CDON: variants seen among roughly 807,000 people sequenced by gnomAD.
CDON encodes the protein cell adhesion associated, oncogene regulated.
Under a neutral mutation model 120.9 loss-of-function variants are expected in CDON, and 73 were observed. That is an observed-to-expected ratio of 0.60 (90% CI 0.50 to 0.73). The LOEUF (loss-of-function observed/expected upper bound fraction) is 0.73, where lower values mean the gene tolerates loss of function less well. CDON is among the 30% of genes least tolerant of loss of function. The pLI, the probability that CDON is intolerant of heterozygous loss-of-function variation, is 0.00. For synonymous variants in CDON, 566 were observed against 573.5 expected, an observed-to-expected ratio of 0.99 and a Z score of 0.19; for missense variants, 1,470 against 1,587.3, an observed-to-expected ratio of 0.93 and a Z score of 1.26.
At chr11:125,994,527 C>T in intron 13 of CDON, 138 bp from the exon 14 acceptor site, 1 of 671,972 alleles carries the variant, frequency 1.5e-6, no homozygotes, top group South Asian at 1.7e-5. Context: ...TTTTAATTTA[C>T]TTCAAAGGTA....
Position 125,981,224 on chromosome 11 carries a change from C to G in CDON, c.3101G>C (p.Gly1034Ala), listed in dbSNP as rs772246581. 6.2e-7 allele frequency: 1 copy of G among 1,614,182 alleles called. No individual in the cohort carries two copies. The highest frequency in any genetic ancestry group is 8.5e-7 in the Non-Finnish European group (1 of 1,180,030). ...GAGACCGCCATTGGTTAGGAAGCCT[C>G]CGTGAACATTTCCATTTATCTGACT... ...GASQINGNVH[G>A]GFLTNGGLSS... The change falls in exon 17 of 20, where the codon GGA becomes GCA. Residue 1034 changes from glycine to alanine, a missense_variant. Physicochemically the swap from Gly to Ala is moderately conservative, Grantham distance 60. Transcript: ENST00000531738.
At chr11:126,062,978 GA>G (rs897404792), upstream of CDON, among the ~76,000 whole-genome samples, 13 of 151,790 alleles carry the variant, frequency 8.6e-5, no homozygotes, top group Non-Finnish European at 1.9e-4. Context: ...AGGGACCGGG[GA>G]ATGACTGACG....
intron 15 of CDON, among the ~76,000 whole-genome samples, chr11:125,987,870 G>A (rs1344145413): frequency 6.6e-6 from 1 of 152,148 alleles, no homozygotes; most frequent in Non-Finnish European, 1.5e-5. Context: ...GTTTAAATAT[G>A]GGCTTAAGAT....
At chr11:125,971,143 G>T (rs1052039229) in intron 18 of CDON, among the ~76,000 whole-genome samples, 1 of 152,028 alleles carries the variant, frequency 6.6e-6, no homozygotes, top group Non-Finnish European at 1.5e-5. Flanking sequence ...CAGTACTTTG[G>T]GGGGCCAAGG....
At chr11:125,978,586 A>T (rs1037996935) in intron 17 of CDON, among the ~76,000 whole-genome samples, 1 of 152,236 alleles carries the variant, frequency 6.6e-6, no homozygotes, top group African/African-American at 2.4e-5. Flanking sequence ...AGAGTTCTGC[A>T]TTAGATTTAA....
intron 18 of CDON, among the ~76,000 whole-genome samples, chr11:125,977,631 T>C (rs568794807): frequency 9.2e-5 from 14 of 152,154 alleles, no homozygotes; most frequent in Non-Finnish European, 1.9e-4. Flanking sequence ...ACAACTTTAA[T>C]ACAACAAAAA....
At chr11:125,990,861 C>T (rs894861801) in intron 14 of CDON, among the ~76,000 whole-genome samples, 25 of 152,014 alleles carry the variant, frequency 1.6e-4, no homozygotes, top group African/African-American at 3.9e-4. Context: ...GTTTTAGGAT[C>T]GTCTCTGAAA....
intron 4 of CDON, 53 bp from the exon 5 acceptor site, chr11:126,018,526 A>G (rs1408155640): frequency 2.0e-6 from 3 of 1,474,938 alleles, no homozygotes; most frequent in Non-Finnish European, 2.8e-6. Context: ...AGGACACCAC[A>G]GCACAACTAA....
At chr11:126,009,325 T>TGC (rs2134621085) in intron 8 of CDON, among the ~76,000 whole-genome samples, 1 of 152,338 alleles carries the variant, frequency 6.6e-6, no homozygotes. Context: ...ATCACTCCTC[T>TGC]GCCAAGGACC....
chr11:126,002,130 TAA>T (rs1364048060), intron 10 of CDON, among the ~76,000 whole-genome samples: 1 of 152,220 alleles, frequency 6.6e-6, no homozygotes, highest in Non-Finnish European at 1.5e-5. Context: ...GCCAAATGAC[TAA>T]GTGTTCAAAC....
At chr11:125,989,848 A>G (rs1591360000) in intron 14 of CDON, 89 bp from the exon 15 acceptor site, 1 of 1,247,274 alleles carries the variant, frequency 8.0e-7, no homozygotes, top group Non-Finnish European at 1.1e-6. Context: ...ATGAGGCTGG[A>G]GCAGCATCCA....
chr11:126,037,624 A>G (rs1948135868), intron 1 of CDON, among the ~76,000 whole-genome samples: 1 of 152,242 alleles, frequency 6.6e-6, no homozygotes, highest in Admixed American at 6.5e-5. Flanking sequence ...CAACTCTTGT[A>G]TAGCAATTCA....
intron 14 of CDON, 77 bp from the exon 15 acceptor site, chr11:125,989,836 G>A (rs1192600908): frequency 7.3e-7 from 1 of 1,376,474 alleles, no homozygotes; most frequent in African/African-American, 1.4e-5. Context: ...AATGTTTTCA[G>A]GATGAGGCTG....
At chr11:126,048,292 A>AAAAG (rs1555139814) in intron 1 of CDON, among the ~76,000 whole-genome samples, 6 of 151,852 alleles carry the variant, frequency 4.0e-5, no homozygotes, top group African/African-American at 1.5e-4. Context: ...CAAAAAAAAA[A>AAAAG]AAAAGAAAAG....
rs1241944787 is a variant in CDON, at chr11:125,957,503, T to C, written c.*3439A>G. The C allele has an allele frequency of 6.6e-6, 1 of 152,206 alleles. No homozygotes were observed. The highest frequency in any genetic ancestry group is 1.5e-5 in the Non-Finnish European group (1 of 68,038). The allele number at this position is 152,206 out of a possible 1,614,324, so 9.4% of individuals were successfully genotyped here. The stretch of plus-strand genomic sequence containing the variant: ...AAAATCATATCAACCAAATAAAACC[T>C]GCCAAAGCTACATCATTTAAAATAT... On this transcript the variant is annotated 3_prime_UTR_variant, in exon 20 of 20. Transcript: ENST00000531738.
At chr11:125,982,397 C>T (rs746525712) in intron 16 of CDON, among the ~76,000 whole-genome samples, 2 of 152,126 alleles carry the variant, frequency 1.3e-5, no homozygotes, top group Non-Finnish European at 2.9e-5. Context: ...CCAAACTGTA[C>T]AGGATTTGTT....
chr11:126,042,510 A>G (rs1434182395), intron 1 of CDON, among the ~76,000 whole-genome samples: 1 of 152,262 alleles, frequency 6.6e-6, no homozygotes, highest in Non-Finnish European at 1.5e-5. Context: ...TTTTTTATGC[A>G]TCCTATTGAA....
chr11:126,055,606 TTA>T (rs1948662449), intron 1 of CDON, among the ~76,000 whole-genome samples: 1 of 152,122 alleles, frequency 6.6e-6, no homozygotes, highest in Non-Finnish European at 1.5e-5. Flanking sequence ...CCTATATGAG[TTA>T]TTTATCTCTC....
In CDON at chr11:125,965,547, T is replaced by C. The variant is rs935241591; in HGVS notation, c.3357-3549A>G. On this transcript the variant is annotated intron_variant, in intron 18 of 19. Transcript: ENST00000531738. Reference sequence around the variant, plus strand: ...AGAACTTTTGGCTGTTTCATGGCACTGGGAGGACAAAAATTGGAGTTCAGC... The same window carrying C: ...AGAACTTTTGGCTGTTTCATGGCACCGGGAGGACAAAAATTGGAGTTCAGC... Among the ~76,000 whole-genome samples, 4 of 152,212 alleles carry C rather than the reference T, an allele frequency of 2.6e-5. No individual in the cohort carries two copies. In the East Asian group the frequency reaches 5.8e-4, roughly 22 times the overall value.
Sources: allele counts gnomAD v4.1 joint callset (sites outside exome capture counted in the v4.1 genomes callset), GRCh38; gene constraint gnomAD v4.1.1; transcripts MANE v1.5; gene names NCBI Gene and HGNC (gene_info 2026-07-23, HGNC 2026-07-21).